Variants in GDNF observed in about 807,000 individuals in gnomAD.
The protein encoded by GDNF is glial cell derived neurotrophic factor.
GDNF carries 5 observed loss-of-function variants against 13.7 expected under a neutral mutation model. That is an observed-to-expected ratio of 0.36 (90% CI 0.19 to 0.77). The LOEUF is 0.77. GDNF is among the 30% of genes least tolerant of loss of function. The pLI, the probability that GDNF is intolerant of heterozygous loss-of-function variation, is 0.51. For synonymous variants in GDNF, 122 were observed against 112.5 expected (o/e 1.08, Z -0.53); for missense variants, 246 against 274.3 (o/e 0.90, Z 0.73).
Position 37,813,969 on chromosome 5 carries a change from TC to T in GDNF, c.*1681del. 6.5e-6 allele frequency: 1 copy of T among 152,830 alleles called. No homozygotes were observed. The allele number at this position is 152,830 out of a possible 1,614,324, so 9.5% of individuals were successfully genotyped here. ...CTCAGCACCCTTCTCAGCCATCTGC[TC>T]CCCAGGGAGCTGTCAGGTGTTTGGG... is the stretch of plus-strand genomic sequence containing the variant. On this transcript the variant is annotated 3_prime_UTR_variant, in exon 3 of 3. Coordinates refer to ENST00000326524, the MANE Select transcript of GDNF (RefSeq NM_000514.4).
rs538183779 is a variant in GDNF, at chr5:37,836,037, T to C, written c.-26-1215A>G. 7.2e-5 allele frequency among the ~76,000 whole-genome samples: 11 copies of C among 152,190 alleles called. No individual in the cohort carries two copies. In the South Asian group the frequency reaches 2.3e-3, roughly 32 times the overall value. On this transcript the variant is annotated intron_variant, in intron 1 of 2. Transcript: ENST00000326524. The stretch of plus-strand genomic sequence containing the variant: ...GGAGACGGGGAAGAACCGAGGCATC[T>C]TGGGGTGCAGTGTTATCCAGTGCCT...
chr5:37,834,890 G>A, intron 1 of GDNF, 68 bp from the exon 2 acceptor site: 1 of 1,439,648 alleles, frequency 6.9e-7, no homozygotes. Context: ...CTCCCTGCGG[G>A]TCCCTGCGCC....
At position 37,813,102 on chromosome 5, in the gene GDNF, C is replaced by T. The variant is rs899526106; in HGVS notation, c.*2549G>A. The T allele has an allele frequency of 6.6e-6, 1 of 152,234 alleles. No individual in the cohort carries two copies. Among genetic ancestry groups the T allele is most frequent in the African/African-American group, 2.4e-5 (1 of 41,434 alleles). 9.4% of individuals were successfully genotyped at this position (152,234 alleles called of 1,614,324 possible). On this transcript the variant is annotated 3_prime_UTR_variant, in exon 3 of 3. Coordinates refer to ENST00000326524, the MANE Select transcript of GDNF (RefSeq NM_000514.4). ...CCCCTGGGGCCACATCCAAATTGTGCTCCACGAATGACTGGATGGCTGGGG... is the reference window on the plus strand; with the variant it reads ...CCCCTGGGGCCACATCCAAATTGTGTTCCACGAATGACTGGATGGCTGGGG...
Position 37,837,365 on chromosome 5 carries a change from C to T in GDNF, c.-27+2142G>A, listed in dbSNP as rs1750744115. 6.6e-6 allele frequency among the ~76,000 whole-genome samples: 1 copy of T among 152,206 alleles called. No homozygotes were observed. The highest frequency in any genetic ancestry group is 1.5e-5 in the Non-Finnish European group (1 of 68,040). ...GGCTCTGCTCTGCCAGGTGACCGCG[C>T]ACCATTTCTCGTGCCTGGCAAGCTG... On this transcript the variant is annotated intron_variant, in intron 1 of 2. Coordinates refer to ENST00000326524, the MANE Select transcript of GDNF (RefSeq NM_000514.4). The surrounding 1 kb of genome is among the most constrained non-coding windows in gnomAD (Gnocchi z 6.5).
intron 2 of GDNF, among the ~76,000 whole-genome samples, chr5:37,822,739 C>T (rs1311759828): frequency 6.6e-6 from 1 of 152,192 alleles, no homozygotes; most frequent in African/African-American, 2.4e-5. Context: ...TAAACACATA[C>T]ACATACACAT....
In GDNF at chr5:37,838,604, G is replaced by A. The variant is rs539596970; in HGVS notation, c.-27+903C>T. On this transcript the variant is annotated intron_variant, in intron 1 of 2. Transcript: ENST00000326524. The surrounding 1 kb of genome is among the most constrained non-coding windows in gnomAD (Gnocchi z 4.1). ...CCTGGCGGCGGATTCTACCAAAGCCGAAACTAGCTGGGCCCCAGGAAGCTG... is the reference window on the plus strand; with the variant it reads ...CCTGGCGGCGGATTCTACCAAAGCCAAAACTAGCTGGGCCCCAGGAAGCTG... Among the ~76,000 whole-genome samples the A allele has an allele frequency of 7.0e-4, 107 of 152,308 alleles. No individual in the cohort carries two copies. The highest frequency in any genetic ancestry group is 2.5e-3 in the African/African-American group (102 of 41,562).
chr5:37,818,586 T>A (rs575628997), intron 2 of GDNF, among the ~76,000 whole-genome samples: 10 of 152,176 alleles, frequency 6.6e-5, no homozygotes, highest in African/African-American at 2.4e-4. Flanking sequence ...GCCCATAGCA[T>A]CCCCCATCCT....
chr5:37,818,963 A>T (rs1306450973), intron 2 of GDNF, among the ~76,000 whole-genome samples: 1 of 151,992 alleles, frequency 6.6e-6, no homozygotes, highest in Non-Finnish European at 1.5e-5. Context: ...CTACATTCTA[A>T]CACACCATCT....
At chr5:37,835,636 T>C in intron 1 of GDNF, 1 of 1,549,866 alleles carries the variant, frequency 6.5e-7, no homozygotes, top group Non-Finnish European at 8.7e-7. Context: ...TGCTTTACCA[T>C]TGCTGTTAGG....
intron 2 of GDNF, among the ~76,000 whole-genome samples, chr5:37,832,589 T>C (rs1384877770): frequency 1.3e-5 from 2 of 152,202 alleles, no homozygotes; most frequent in African/African-American, 4.8e-5. Flanking sequence ...GTGAGAATCT[T>C]GTTCACTGAT....
chr5:37,812,775 G>T lies in GDNF; in HGVS notation c.*2876C>A, dbSNP rs910857755. On this transcript the variant is annotated 3_prime_UTR_variant, in exon 3 of 3. Coordinates refer to ENST00000326524, the MANE Select transcript of GDNF (RefSeq NM_000514.4). Reference sequence around the variant, plus strand: ...TTGGTTTTATAACACAAACGACCAAGACAGATCAGAGAAGTCAGAACTTCC... The same window carrying T: ...TTGGTTTTATAACACAAACGACCAATACAGATCAGAGAAGTCAGAACTTCC... 2.0e-5 allele frequency: 3 copies of T among 152,210 alleles called. No homozygotes were observed. The highest frequency in any genetic ancestry group is 2.0e-4 in the Admixed American group (3 of 15,282). The allele number at this position is 152,210 out of a possible 1,614,324, so 9.4% of individuals were successfully genotyped here. A position where few individuals can be genotyped will look rare whatever the true frequency, so the allele number is the denominator to read the frequency against.
intron 2 of GDNF, among the ~76,000 whole-genome samples, chr5:37,819,678 C>T (rs372929784): frequency 3.9e-5 from 6 of 152,048 alleles, no homozygotes; most frequent in African/African-American, 1.4e-4. Flanking sequence ...GTCTTGAACT[C>T]CTGATCTCAG....
At chr5:37,827,200 C>T (rs182326869) in intron 2 of GDNF, among the ~76,000 whole-genome samples, 1 of 151,228 alleles carries the variant, frequency 6.6e-6, no homozygotes, top group East Asian at 1.9e-4. Context: ...ATTTATGGTC[C>T]TGGGTTTTAA....
chr5:37,815,509 TC>T lies in GDNF; in HGVS notation c.*141del. ...GCCTTCCTCCTCCTCCTCCTCCTCC[TC>T]CTCCTCCTCCTCTTCTTCTTCCTCC... On this transcript the variant is annotated 3_prime_UTR_variant, in exon 3 of 3. Transcript: ENST00000326524. This position sits in a 1 kb window ranked among gnomAD's most constrained non-coding sequence, Gnocchi z 5.0. The T allele has an allele frequency of 2.6e-6, 2 of 755,512 alleles. No homozygotes were observed. The highest frequency in any genetic ancestry group is 4.6e-6 in the Non-Finnish European group (2 of 436,850). 46.8% of individuals were successfully genotyped at this position (755,512 alleles called of 1,614,324 possible).
chr5:37,816,265 A>G (rs1156608355), intron 2 of GDNF, 130 bp from the exon 3 acceptor site: 10 of 841,140 alleles, frequency 1.2e-5, no homozygotes, highest in South Asian at 5.8e-5. Context: ...CGATTAAGCT[A>G]TAGGACCACT....
chr5:37,831,771 C>T lies in GDNF; in HGVS notation c.151+2875G>A, dbSNP rs115709688. Among the ~76,000 whole-genome samples, 705 of 152,312 alleles carry T rather than the reference C, an allele frequency of 4.6e-3. 2 individuals carry two copies. Among genetic ancestry groups the T allele is most frequent in the African/African-American group, 0.016 (671 of 41,554 alleles). On this transcript the variant is annotated intron_variant, in intron 2 of 2. Coordinates refer to ENST00000326524, the MANE Select transcript of GDNF (RefSeq NM_000514.4). ...TTTGCAAGTTTCAACTTGCAGATTC[C>T]TCATGCCTGCTCTAATTGCCCTTTG...
chr5:37,814,159 A>G lies in GDNF; in HGVS notation c.*1492T>C, dbSNP rs1368707730. 6.6e-6 allele frequency: 1 copy of G among 152,666 alleles called. No individual in the cohort carries two copies. The highest frequency in any genetic ancestry group is 1.9e-4 in the East Asian group (1 of 5,200). The allele number at this position is 152,666 out of a possible 1,614,324, so 9.5% of individuals were successfully genotyped here. A position where few individuals can be genotyped will look rare whatever the true frequency, so the allele number is the denominator to read the frequency against. On this transcript the variant is annotated 3_prime_UTR_variant, in exon 3 of 3. Coordinates refer to ENST00000326524, the MANE Select transcript of GDNF (RefSeq NM_000514.4). The stretch of plus-strand genomic sequence containing the variant: ...GGCAGGGATGGAGGGAGTCGGTAGA[A>G]CGGCAGCTACCTGACAGCATTGTCG...
rs1750785944 is a variant in GDNF, at chr5:37,838,462, G to T, written c.-27+1045C>A. Reference sequence around the variant, plus strand: ...ATATTCCAAACACTGAGCAAGAGTCGAGCGCGTTCTAACATCTCCGCAGCA... The same window carrying T: ...ATATTCCAAACACTGAGCAAGAGTCTAGCGCGTTCTAACATCTCCGCAGCA... On this transcript the variant is annotated intron_variant, in intron 1 of 2. Coordinates refer to ENST00000326524, the MANE Select transcript of GDNF (RefSeq NM_000514.4). The surrounding 1 kb of genome is among the most constrained non-coding windows in gnomAD (Gnocchi z 4.1). Among the ~76,000 whole-genome samples, 1 of 152,174 alleles carries T rather than the reference G, an allele frequency of 6.6e-6. No individual in the cohort carries two copies. Among genetic ancestry groups the T allele is most frequent in the African/African-American group, 2.4e-5 (1 of 41,434 alleles).
chr5:37,835,535 G>T lies in GDNF; in HGVS notation c.-26-713C>A, dbSNP rs996992802. On this transcript the variant is annotated intron_variant, in intron 1 of 2. Transcript: ENST00000326524. ...ACTTAACTTCCCAAAGCACTGATTC[G>T]ATTTAAAATACTCCTCCCACCTCTT... is the stretch of plus-strand genomic sequence containing the variant. The T allele has an allele frequency of 6.0e-5, 89 of 1,479,686 alleles. No individual in the cohort carries two copies. The Middle Eastern group carries it at 2.9e-3, about 48-fold the overall frequency. 91.7% of individuals were successfully genotyped at this position (1,479,686 alleles called of 1,614,324 possible).
Sources: allele counts gnomAD v4.1 joint callset (sites outside exome capture counted in the v4.1 genomes callset), GRCh38; gene constraint gnomAD v4.1.1; non-coding constraint Gnocchi (gnomAD v3.1); transcripts MANE v1.5; gene names NCBI Gene and HGNC (gene_info 2026-07-23, HGNC 2026-07-21).